The following SLC24A2 variants were observed in gnomAD, a reference collection of about 807,000 sequenced individuals.
SLC24A2 encodes the protein solute carrier family 24 member 2.
In SLC24A2, 36 loss-of-function variants were observed where a neutral mutation model predicts 62.0. The observed-to-expected ratio is 0.58, with a 90% CI of 0.44 to 0.77. SLC24A2 has a LOEUF of 0.77. Ranked by LOEUF, SLC24A2 falls within the 30% of genes least tolerant of loss-of-function variation. The pLI, the probability that SLC24A2 is intolerant of heterozygous loss-of-function variation, is 0.00. For synonymous variants in SLC24A2, 358 were observed against 294.0 expected (o/e 1.22, Z -2.23); for missense variants, 846 against 817.9 (o/e 1.03, Z -0.42).
At chr9:19,524,760 T>C (rs1443440757) in intron 9 of SLC24A2, among the ~76,000 whole-genome samples, 1 of 152,206 alleles carries the variant, frequency 6.6e-6, no homozygotes, top group East Asian at 1.9e-4. Context: ...AAAATTATTA[T>C]TGTTTCAGCC....
rs138742137 is a variant in SLC24A2, at chr9:19,570,570, A to G, written c.1347+2781T>C. ...TATACATAAAACCATTTCACTTTAC[A>G]TACAATGAGCTCTTTCAAGGAAAGG... On this transcript the variant is annotated intron_variant, in intron 7 of 10. Transcript: ENST00000341998. Among the ~76,000 whole-genome samples the G allele has an allele frequency of 9.2e-5, 14 of 152,348 alleles. No homozygotes were observed. In the East Asian group the frequency reaches 2.7e-3, roughly 29 times the overall value.
the SLC24A2 span, among the ~76,000 whole-genome samples, chr9:19,944,907 T>C: frequency 6.6e-6 from 1 of 152,164 alleles, no homozygotes; most frequent in East Asian, 1.9e-4. Context: ...GATTTCTATT[T>C]GAAGAAAAAG....
the SLC24A2 span, among the ~76,000 whole-genome samples, chr9:19,851,324 C>T: frequency 6.6e-6 from 1 of 151,404 alleles, no homozygotes; most frequent in African/African-American, 2.4e-5. Context: ...TGCGCCTGGC[C>T]CAGCATATAT....
the SLC24A2 span, among the ~76,000 whole-genome samples, chr9:20,148,409 A>G: frequency 6.6e-6 from 1 of 152,098 alleles, no homozygotes; most frequent in Non-Finnish European, 1.5e-5. Flanking sequence ...TTGAAATTAG[A>G]TAAAACGCTT....
At chr9:20,132,520 G>A in the SLC24A2 span, among the ~76,000 whole-genome samples, 16 of 152,084 alleles carry the variant, frequency 1.1e-4, no homozygotes, top group Non-Finnish European at 2.2e-4. Context: ...CACATTATAA[G>A]TGTTTTAACC....
the SLC24A2 span, among the ~76,000 whole-genome samples, chr9:19,842,355 C>T: frequency 6.6e-6 from 1 of 152,150 alleles, no homozygotes; most frequent in African/African-American, 2.4e-5. Flanking sequence ...GCTAGCTTAA[C>T]TGAAAGGTAG....
At chr9:19,898,446 A>G in the SLC24A2 span, among the ~76,000 whole-genome samples, 1 of 152,272 alleles carries the variant, frequency 6.6e-6, no homozygotes, top group East Asian at 1.9e-4. Context: ...TGAGAATCCA[A>G]TGAGATAAAG....
chr9:19,893,408 A>ATGAT, the SLC24A2 span, among the ~76,000 whole-genome samples: 1 of 152,306 alleles, frequency 6.6e-6, no homozygotes, highest in Admixed American at 6.5e-5. Context: ...ATCTTGGATC[A>ATGAT]GATCAGTACC....
At chr9:19,717,593 T>C (rs1221203839) in intron 2 of SLC24A2, among the ~76,000 whole-genome samples, 3 of 152,190 alleles carry the variant, frequency 2.0e-5, no homozygotes, top group East Asian at 3.8e-4. Context: ...TATAGAAAAA[T>C]GGAAGTCTAT....
At chr9:20,211,696 A>T in the SLC24A2 span, among the ~76,000 whole-genome samples, 1 of 152,204 alleles carries the variant, frequency 6.6e-6, no homozygotes, top group African/African-American at 2.4e-5. Flanking sequence ...AATTTTAGCA[A>T]CAATAACAAG....
the SLC24A2 span, among the ~76,000 whole-genome samples, chr9:20,262,892 C>CT: frequency 0.5 from 76,521 of 151,874 alleles, 19,981 homozygotes; most frequent in East Asian, 0.77. Context: ...GGTTTTGAAT[C>CT]TTTTTTTTCC....
the SLC24A2 span, among the ~76,000 whole-genome samples, chr9:19,906,622 G>T: frequency 6.6e-6 from 1 of 151,852 alleles, no homozygotes; most frequent in African/African-American, 2.4e-5. Context: ...TCAAATAGAC[G>T]CAATAAAAAA....
At chr9:19,788,492 GGATT>G (rs1823246310) in intron 1 of SLC24A2, 1 of 984,814 alleles carries the variant, frequency 1.0e-6, no homozygotes, top group Non-Finnish European at 1.2e-6. Flanking sequence ...TTTCCCTGGT[GGATT>G]AATAGGAAAA....
chr9:20,085,974 A>G, the SLC24A2 span, among the ~76,000 whole-genome samples: 2 of 152,110 alleles, frequency 1.3e-5, no homozygotes, highest in African/African-American at 4.8e-5. Flanking sequence ...TTTAACTTCT[A>G]TTGGCAGGAT....
At chr9:20,159,821 A>G in the SLC24A2 span, among the ~76,000 whole-genome samples, 1 of 151,570 alleles carries the variant, frequency 6.6e-6, no homozygotes, top group Admixed American at 6.6e-5. Context: ...GGTATTTTGT[A>G]TTTGATAAAT....
intron 4 of SLC24A2, among the ~76,000 whole-genome samples, chr9:19,613,350 C>T (rs1817674018): frequency 2.0e-5 from 3 of 152,174 alleles, no homozygotes; most frequent in Admixed American, 1.3e-4. Context: ...GAGATGGCAG[C>T]CTGGGCTGCA....
At chr9:20,211,600 C>A in the SLC24A2 span, among the ~76,000 whole-genome samples, 998 of 152,222 alleles carry the variant, frequency 6.6e-3, 9 homozygotes, top group East Asian at 0.028. Context: ...GTATGTAAAT[C>A]TATAGTAATT....
At chr9:20,032,195 G>A in the SLC24A2 span, among the ~76,000 whole-genome samples, 7 of 152,094 alleles carry the variant, frequency 4.6e-5, no homozygotes, top group African/African-American at 1.7e-4. Context: ...TTGAGGCCAG[G>A]AAATGCTCTT....
the SLC24A2 span, among the ~76,000 whole-genome samples, chr9:20,282,676 A>C: frequency 6.6e-6 from 1 of 152,224 alleles, no homozygotes; most frequent in Non-Finnish European, 1.5e-5. Context: ...AAATATAGAA[A>C]AGTATAAAGA....
Sources: allele counts gnomAD v4.1 joint callset (sites outside exome capture counted in the v4.1 genomes callset), GRCh38; gene constraint gnomAD v4.1.1; transcripts MANE v1.5; gene names NCBI Gene and HGNC (gene_info 2026-07-23, HGNC 2026-07-21).